ZNF358: variants seen among roughly 807,000 people sequenced by gnomAD.
The protein encoded by ZNF358 is zinc finger protein 358.
Under a neutral mutation model 2.1 loss-of-function variants are expected in ZNF358, and 1 was observed. The observed-to-expected ratio is 0.49, with a 90% CI of 0.17 to 2.30. ZNF358 has a LOEUF of 2.30. Among genes scored for constraint, ZNF358 ranks in the 30% most tolerant of loss-of-function variants. The pLI is 0.26. For missense variants in ZNF358, 665 were observed against 806.8 expected, an observed-to-expected ratio of 0.82 and a Z score of 2.13; for synonymous variants, 381 against 359.7, an observed-to-expected ratio of 1.06 and a Z score of -0.67.
intron 1 of ZNF358, among the ~76,000 whole-genome samples, chr19:7,517,444 G>A (rs1316565293): frequency 6.6e-6 from 1 of 152,150 alleles, no homozygotes; most frequent in East Asian, 1.9e-4. Context: ...AGGTATACTG[G>A]CCGGGCATGG....
chr19:7,514,261 C>T (rs531953571), upstream of ZNF358, among the ~76,000 whole-genome samples: 217 of 152,224 alleles, frequency 1.4e-3, no homozygotes, highest in African/African-American at 4.7e-3. Flanking sequence ...GTCCAGCTCA[C>T]GTGGGACTGG....
chr19:7,519,074 A>T, intron 1 of ZNF358, 131 bp from the exon 2 acceptor site: 1 of 1,153,522 alleles, frequency 8.7e-7, no homozygotes, highest in Non-Finnish European at 1.1e-6. Context: ...CAAAAAAAAA[A>T]AAAAAAAAAA....
At position 7,520,131 on chromosome 19, in the gene ZNF358, G is replaced by C. The variant is rs1322561639; in HGVS notation, c.889G>C (p.Gly297Arg). The stretch of plus-strand genomic sequence containing the variant: ...GCGGCCCTACCCGTGTCCGCAGTGC[G>C]GCAAGGCCTTCGGGCAGAGCTCGGC... Reference protein sequence around the residue: ...GERPYPCPQCGKAFGQSSALL... With the variant: ...GERPYPCPQCRKAFGQSSALL... Residue 297 changes from glycine to arginine, a missense_variant, in exon 2 of 2, where the codon GGC (glycine) becomes CGC (arginine). Gly to Arg is a moderately radical substitution (Grantham distance 125). Coordinates refer to ENST00000597229, the MANE Select transcript of ZNF358 (RefSeq NM_018083.5). This position sits in a 1 kb window ranked among gnomAD's most constrained non-coding sequence, Gnocchi z 6.0. 2 of 1,596,778 alleles carry C rather than the reference G, an allele frequency of 1.3e-6. No homozygotes were observed. The highest frequency in any genetic ancestry group is 1.7e-5 in the Admixed American group (1 of 59,488).
rs678539 is a variant in ZNF358 at position 7,519,200 on chromosome 19, T to C, written c.-38-5T>C. 45,741 of 1,591,400 alleles carry C rather than the reference T, an allele frequency of 0.029. 815 individuals are homozygous for C. Among genetic ancestry groups the C allele is most frequent in the Middle Eastern group, 0.078 (465 of 5,928 alleles). On this transcript the variant is annotated splice_region_variant and splice_polypyrimidine_tract_variant and intron_variant, in intron 1 of 1. Transcript: ENST00000597229. ...ACCCTCTACCCTCTATCCTTGCCCT[T>C]GCAGGTCTTGCCCCAGAAGCTGCGG...
Position 7,520,715 on chromosome 19 carries a change from G to A in ZNF358, c.1473G>A (p.Val491=). The change falls in exon 2 of 2, where the codon GTG becomes GTA. Residue 491 remains valine (V), a synonymous_variant. Transcript: ENST00000597229. This position sits in a 1 kb window ranked among gnomAD's most constrained non-coding sequence, Gnocchi z 6.0. ...GATCCACCCCCAGCCCTACTCCTGT[G>A]GAATCTTCTGACCCAAAGGCTGGGC... The part of the protein sequence containing the change: ...GSRSTPSPTP[V]ESSDPKAGHD... The A allele has an allele frequency of 6.2e-7, 1 of 1,613,818 alleles. No individual in the cohort carries two copies. Among genetic ancestry groups the A allele is most frequent in the South Asian group, 1.1e-5 (1 of 91,082 alleles).
chr19:7,517,063 C>G (rs1448701841), intron 1 of ZNF358, among the ~76,000 whole-genome samples: 1 of 152,142 alleles, frequency 6.6e-6, no homozygotes, highest in Non-Finnish European at 1.5e-5. Context: ...AGAAGGGGAG[C>G]CACAGGTCCC....
chr19:7,516,120 A>C lies in ZNF358; in HGVS notation c.-168A>C, dbSNP rs1599243562. On this transcript the variant is annotated 5_prime_UTR_variant, in exon 1 of 2. Coordinates refer to ENST00000597229, the MANE Select transcript of ZNF358 (RefSeq NM_018083.5). This position sits in a 1 kb window ranked among gnomAD's most constrained non-coding sequence, Gnocchi z 5.9. ...CGGCCGGCCCCTCTCGCTCCCCGGG[A>C]GCGCCTGGCGGGGCCGCTGGGCCGA... 7.0e-5 allele frequency: 7 copies of C among 100,320 alleles called. No homozygotes were observed. The highest frequency in any genetic ancestry group is 3.6e-4 in the South Asian group (1 of 2,772). 6.2% of individuals were successfully genotyped at this position (100,320 alleles called of 1,614,324 possible). A position where few individuals can be genotyped will look rare whatever the true frequency, so the allele number is the denominator to read the frequency against.
rs1219217043 is a variant in ZNF358, at chr19:7,520,441, C to T, written c.1199C>T (p.Ala400Val). ...AAGCACAAACGGGTGCATGAGGGTG[C>T]AGCCGCTGCTGCAGCTGCCGCGGCC... is the stretch of plus-strand genomic sequence containing the variant. ...LTKHKRVHEG[A>V]AAAAAAAAAA... Residue 400 changes from alanine (A) to valine (V), a missense_variant, in exon 2 of 2, where the codon GCA becomes GTA. Physicochemically the swap from Ala to Val is moderately conservative, Grantham distance 64. Coordinates refer to ENST00000597229, the MANE Select transcript of ZNF358 (RefSeq NM_018083.5). The surrounding 1 kb of genome is among the most constrained non-coding windows in gnomAD (Gnocchi z 6.0). 5 of 1,579,620 alleles carry T rather than the reference C, an allele frequency of 3.2e-6. No individual in the cohort carries two copies. The highest frequency in any genetic ancestry group is 3.7e-5 in the Admixed American group (2 of 53,822).
intron 1 of ZNF358, among the ~76,000 whole-genome samples, chr19:7,518,571 G>GAAAGAAAGAAAGA (rs2022389047): frequency 7.0e-6 from 1 of 142,238 alleles, no homozygotes; most frequent in African/African-American, 2.7e-5. Flanking sequence ...AAGAAAGAAA[G>GAAAGAAAGAAAGA]AAAGAAAGAA....
rs2022445595 is a variant in ZNF358 at position 7,520,306 on chromosome 19, C to G, written c.1064C>G (p.Ala355Gly). The G allele has an allele frequency of 6.2e-7, 1 of 1,610,810 alleles. No individual in the cohort carries two copies. The highest frequency in any genetic ancestry group is 2.2e-5 in the East Asian group (1 of 44,836). The change falls in exon 2 of 2, where the codon GCC becomes GGC. Residue 355 changes from alanine to glycine, a missense_variant. Transcript: ENST00000597229. This position sits in a 1 kb window ranked among gnomAD's most constrained non-coding sequence, Gnocchi z 6.0. ...RPYACPHCSKAFGQSSALLQH... is the reference protein window; with the variant it reads ...RPYACPHCSKGFGQSSALLQH... The stretch of plus-strand genomic sequence containing the variant: ...TACGCCTGCCCGCACTGCTCCAAGG[C>G]CTTCGGCCAGAGCTCAGCGCTGCTC...
chr19:7,519,917 T>C lies in ZNF358; in HGVS notation c.675T>C (p.His225=). ...GCTGGCGCTCCACGCTGCTGAAACA[T>C]CGCAGCAGCCACAGCGGGGAGAAGC... ...AFGWRSTLLK[H]RSSHSGEKPH... The change falls in exon 2 of 2, where the codon CAT becomes CAC. Residue 225 remains histidine, a synonymous_variant. Coordinates refer to ENST00000597229, the MANE Select transcript of ZNF358 (RefSeq NM_018083.5). 6.6e-7 allele frequency: 1 copy of C among 1,525,084 alleles called. No individual in the cohort carries two copies. Among genetic ancestry groups the C allele is most frequent in the Non-Finnish European group, 8.8e-7 (1 of 1,142,248 alleles). The allele number at this position is 1,525,084 out of a possible 1,614,324, so 94.5% of individuals were successfully genotyped here.
chr19:7,519,356 G>T lies in ZNF358; in HGVS notation c.114G>T (p.Pro38=). 2 of 1,613,460 alleles carry T rather than the reference G, an allele frequency of 1.2e-6. No homozygotes were observed. Among genetic ancestry groups the T allele is most frequent in the Non-Finnish European group, 1.7e-6 (2 of 1,179,484 alleles). ...DLDPNPEDLD[P]VSEDPEPDPE... The stretch of plus-strand genomic sequence containing the variant: ...ACCCCAATCCTGAAGATCTGGACCC[G>T]GTTTCTGAAGACCCAGAGCCTGATC... The change falls in exon 2 of 2, where the codon CCG becomes CCT. Residue 38 remains proline (P), a synonymous_variant. Coordinates refer to ENST00000597229, the MANE Select transcript of ZNF358 (RefSeq NM_018083.5).
Position 7,520,811 on chromosome 19 carries a change from G to T in ZNF358, c.1569G>T (p.Val523=), listed in dbSNP as rs757221997. 6.2e-7 allele frequency: 1 copy of T among 1,614,012 alleles called. No individual in the cohort carries two copies. The highest frequency in any genetic ancestry group is 1.7e-5 in the Admixed American group (1 of 60,000). Residue 523 remains valine, a synonymous_variant, in exon 2 of 2, where the codon GTG becomes GTT. Coordinates refer to ENST00000597229, the MANE Select transcript of ZNF358 (RefSeq NM_018083.5). This position sits in a 1 kb window ranked among gnomAD's most constrained non-coding sequence, Gnocchi z 6.0. ...TGCCCAGCCCAGACCCTGATCCTGT[G>T]CCCAGCCCTGATCCCAACCCTGTGT... is the stretch of plus-strand genomic sequence containing the variant. ...DPVPSPDPDP[V]PSPDPNPVSC...
chr19:7,519,902 C>T lies in ZNF358; in HGVS notation c.660C>T (p.Ser220=), dbSNP rs1483227643. The part of the protein sequence containing the change: ...AACGKAFGWR[S]TLLKHRSSHS... ...GCGGCAAGGCCTTCGGCTGGCGCTC[C>T]ACGCTGCTGAAACATCGCAGCAGCC... is the stretch of plus-strand genomic sequence containing the variant. The change falls in exon 2 of 2, where the codon TCC becomes TCT. Residue 220 remains serine, a synonymous_variant. Transcript: ENST00000597229. The T allele has an allele frequency of 6.5e-7, 1 of 1,528,260 alleles. No homozygotes were observed. Among genetic ancestry groups the T allele is most frequent in the Non-Finnish European group, 8.7e-7 (1 of 1,143,704 alleles). 94.7% of individuals were successfully genotyped at this position (1,528,260 alleles called of 1,614,324 possible). A position where few individuals can be genotyped will look rare whatever the true frequency, so the allele number is the denominator to read the frequency against.
Position 7,520,679 on chromosome 19 carries a change from C to T in ZNF358, c.1437C>T (p.Leu479=). 1 of 1,612,500 alleles carries T rather than the reference C, an allele frequency of 6.2e-7. No homozygotes were observed. The highest frequency in any genetic ancestry group is 8.5e-7 in the Non-Finnish European group (1 of 1,179,166). The change falls in exon 2 of 2, where the codon CTC becomes CTT. Residue 479 remains leucine (L), a synonymous_variant. Transcript: ENST00000597229. The surrounding 1 kb of genome is among the most constrained non-coding windows in gnomAD (Gnocchi z 6.0). The stretch of plus-strand genomic sequence containing the variant: ...TGCCGGATCCCAGCTCCAAACCCCT[C>T]CCCGGCTCCAGATCCACCCCCAGCC... ...GTLPDPSSKP[L]PGSRSTPSPT...
intron 1 of ZNF358, 115 bp from the exon 2 acceptor site, chr19:7,519,090 A>C: frequency 9.2e-7 from 1 of 1,089,720 alleles, no homozygotes; most frequent in Non-Finnish European, 1.2e-6. Flanking sequence ...AAAAAAAAGA[A>C]GTGGGTTCTG....
Position 7,520,517 on chromosome 19 carries a change from C to A in ZNF358, c.1275C>A (p.Ser425Arg). The A allele has an allele frequency of 7.8e-7, 1 of 1,277,844 alleles. No individual in the cohort carries two copies. Among genetic ancestry groups the A allele is most frequent in the Non-Finnish European group, 1.1e-6 (1 of 899,716 alleles). The allele number at this position is 1,277,844 out of a possible 1,614,324, so 79.2% of individuals were successfully genotyped here. A position where few individuals can be genotyped will look rare whatever the true frequency, so the allele number is the denominator to read the frequency against. Residue 425 changes from serine (S) to arginine (R), a missense_variant, in exon 2 of 2, where the codon AGC (serine) becomes AGA (arginine). Physicochemically the swap from Ser to Arg is moderately radical, Grantham distance 110. This residue lies in a region of ZNF358 where 249 missense variants were observed against 227.6 expected (regional missense o/e 1.09). Coordinates refer to ENST00000597229, the MANE Select transcript of ZNF358 (RefSeq NM_018083.5). This position sits in a 1 kb window ranked among gnomAD's most constrained non-coding sequence, Gnocchi z 6.0. ...AAGLGLGPGL[S>R]PASMMRPGQV... ...GCCTGGGCCTCGGGCCTGGCCTAAGCCCTGCATCCATGATGAGGCCGGGGC... is the reference window on the plus strand; with the variant it reads ...GCCTGGGCCTCGGGCCTGGCCTAAGACCTGCATCCATGATGAGGCCGGGGC...
chr19:7,518,105 G>T (rs995623869), intron 1 of ZNF358, among the ~76,000 whole-genome samples: 1 of 152,210 alleles, frequency 6.6e-6, no homozygotes, highest in East Asian at 1.9e-4. Context: ...CCCACAAGAG[G>T]AGCCCAGGTT....
chr19:7,517,815 T>C (rs1163375123), intron 1 of ZNF358, among the ~76,000 whole-genome samples: 1 of 152,200 alleles, frequency 6.6e-6, no homozygotes, highest in Non-Finnish European at 1.5e-5. Flanking sequence ...CAGAGTCTTC[T>C]TGTCTTTCCC....
Sources: gnomAD v4.1 joint callset for allele counts (sites outside exome capture counted in the v4.1 genomes callset) on GRCh38, gnomAD v4.1.1 for gene constraint, gnomAD v4.1.1 regional missense constraint, Gnocchi (gnomAD v3.1) non-coding constraint, MANE v1.5 for transcripts, NCBI Gene and HGNC (gene_info 2026-07-23, HGNC 2026-07-21) for gene names.